Variants in B3GALT1 observed in about 807,000 individuals in gnomAD.
B3GALT1 encodes beta-1,3-galactosyltransferase 1, also known as UDP-Gal:betaGlcNAc beta 1,3-galactosyltransferase, polypeptide 1.
A neutral mutation model predicts 23.2 loss-of-function variants in B3GALT1; 10 were observed. The ratio of observed to expected loss-of-function variants is 0.43; its 90% CI spans 0.27 to 0.73. B3GALT1 has a LOEUF of 0.73. B3GALT1 is among the 30% of genes least tolerant of loss of function. The probability of loss-of-function intolerance (pLI) is 0.21; values close to 1 mark genes in which losing one functional copy is unlikely to be tolerated. For synonymous variants in B3GALT1, 156 were observed against 141.5 expected, an observed-to-expected ratio of 1.10 and a Z score of -0.73; for missense variants, 299 against 405.4, an observed-to-expected ratio of 0.74 and a Z score of 2.25.
chr2:167,510,335 AT>A (rs1021925309), intron 2 of B3GALT1, among the ~76,000 whole-genome samples: 9 of 149,450 alleles, frequency 6.0e-5, no homozygotes, highest in African/African-American at 9.9e-5. Flanking sequence ...TTCTTGTTAT[AT>A]TTTTTTAATT....
intron 2 of B3GALT1, among the ~76,000 whole-genome samples, chr2:167,572,686 T>C (rs955286561): frequency 1.3e-5 from 2 of 151,748 alleles, no homozygotes; most frequent in African/African-American, 4.8e-5. Context: ...TTGTCTGGAA[T>C]TGGATCTTTT....
At chr2:167,411,740 A>G (rs145387566) in intron 1 of B3GALT1, among the ~76,000 whole-genome samples, 141 of 152,368 alleles carry the variant, frequency 9.3e-4, no homozygotes, top group African/African-American at 3.2e-3. Context: ...GGAAATTAGT[A>G]TATCAAAGAA....
In B3GALT1 at chr2:167,550,005, T is replaced by C. The variant is rs1683717447; in HGVS notation, c.-410+59728T>C. Among the ~76,000 whole-genome samples, 3 of 152,318 alleles carry C rather than the reference T, an allele frequency of 2.0e-5. No individual in the cohort carries two copies. The South Asian group carries it at 6.2e-4, about 32-fold the overall frequency. On this transcript the variant is annotated intron_variant, in intron 2 of 4. Transcript: ENST00000392690. ...GGTTTTTAGTTTTCAGGTCTCAATT[T>C]CCAATTCTAGTTTTGATTATCTATA...
At chr2:167,750,087 A>G (rs1460022117) in intron 3 of B3GALT1, among the ~76,000 whole-genome samples, 2 of 152,224 alleles carry the variant, frequency 1.3e-5, no homozygotes, top group Non-Finnish European at 2.9e-5. Flanking sequence ...ACTTTGTGAC[A>G]TTAACTGTCA....
intron 3 of B3GALT1, among the ~76,000 whole-genome samples, chr2:167,801,604 G>A (rs1288843100): frequency 2.0e-5 from 3 of 152,150 alleles, no homozygotes; most frequent in Non-Finnish European, 4.4e-5. Flanking sequence ...GTTTTGTCAA[G>A]TAGCAAATAA....
chr2:167,686,606 A>G (rs1352075025), intron 3 of B3GALT1, among the ~76,000 whole-genome samples: 1 of 152,216 alleles, frequency 6.6e-6, no homozygotes, highest in Non-Finnish European at 1.5e-5. Flanking sequence ...ACAACATTTT[A>G]GTAAGTTTTA....
In B3GALT1 at chr2:167,660,624, T is replaced by A. The variant is rs574779608; in HGVS notation, c.-352+13658T>A. Among the ~76,000 whole-genome samples the A allele has an allele frequency of 3.3e-5, 5 of 152,232 alleles. 1 individual carries two copies. The highest frequency in any genetic ancestry group is 1.2e-4 in the African/African-American group (5 of 41,548). On this transcript the variant is annotated intron_variant, in intron 3 of 4. Transcript: ENST00000392690. ...GAGGAATCTTTCAAAATACAAATCA[T>A]AAGGGTCTGGAACCTCCTTTCAATA...
At chr2:167,699,198 GT>G (rs142116065) in intron 3 of B3GALT1, among the ~76,000 whole-genome samples, 86 of 152,010 alleles carry the variant, frequency 5.7e-4, no homozygotes, top group African/African-American at 2.0e-3. Flanking sequence ...GTAATAAGTG[GT>G]TTTTTAATGG....
intron 3 of B3GALT1, among the ~76,000 whole-genome samples, chr2:167,808,209 A>C: frequency 6.7e-6 from 1 of 149,716 alleles, no homozygotes. Flanking sequence ...TGCACGTGAG[A>C]TGGGTTTCCT....
intron 2 of B3GALT1, among the ~76,000 whole-genome samples, chr2:167,549,454 G>A (rs1683706680): frequency 6.6e-6 from 1 of 152,142 alleles, no homozygotes; most frequent in Non-Finnish European, 1.5e-5. Context: ...CTTCAGACGA[G>A]TTCCTGACAA....
At chr2:167,617,643 T>G (rs755702412) in intron 2 of B3GALT1, among the ~76,000 whole-genome samples, 1 of 152,112 alleles carries the variant, frequency 6.6e-6, no homozygotes, top group African/African-American at 2.4e-5. Context: ...ACATTTCTAG[T>G]TAACTACATT....
chr2:167,715,555 T>C, intron 3 of B3GALT1: 3 of 1,613,888 alleles, frequency 1.9e-6, no homozygotes, highest in Non-Finnish European at 2.5e-6. Flanking sequence ...GTATCCTTTT[T>C]GAAATATCTG....
intron 2 of B3GALT1, among the ~76,000 whole-genome samples, chr2:167,586,068 G>A (rs910421584): frequency 2.0e-5 from 3 of 152,140 alleles, no homozygotes; most frequent in Non-Finnish European, 4.4e-5. Context: ...GCTGGTAGGT[G>A]TATTCACTTA....
In B3GALT1 at chr2:167,474,692, G is replaced by A. The variant is rs111952679; in HGVS notation, c.-510-15485G>A. Among the ~76,000 whole-genome samples, 551 of 152,210 alleles carry A rather than the reference G, an allele frequency of 3.6e-3. 6 individuals carry two copies. Among genetic ancestry groups the A allele is most frequent in the African/African-American group, 0.013 (528 of 41,532 alleles). ...TTATCTCTGACACCAAAGGTGCATC[G>A]CAAGGTGAAATAGTTGTCAACAGTA... On this transcript the variant is annotated intron_variant, in intron 1 of 4. Coordinates refer to ENST00000392690, the MANE Select transcript of B3GALT1 (RefSeq NM_020981.4).
At chr2:167,851,662 C>T (rs1689895642) in intron 4 of B3GALT1, among the ~76,000 whole-genome samples, 1 of 152,222 alleles carries the variant, frequency 6.6e-6, no homozygotes. Context: ...ATTAGAAAAA[C>T]TTCTTTCAGA....
intron 1 of B3GALT1, among the ~76,000 whole-genome samples, chr2:167,458,383 T>C (rs1269899713): frequency 1.3e-5 from 2 of 152,244 alleles, no homozygotes; most frequent in Non-Finnish European, 2.9e-5. Context: ...GTTGCTTCTA[T>C]GTTTTAGCTA....
chr2:167,294,555 C>G (rs1293110476), intron 1 of B3GALT1, among the ~76,000 whole-genome samples: 3 of 152,168 alleles, frequency 2.0e-5, no homozygotes, highest in Non-Finnish European at 2.9e-5. Flanking sequence ...CAAACTTACT[C>G]TTGGCGATTG....
At chr2:167,677,420 G>A (rs571933287) in intron 3 of B3GALT1, among the ~76,000 whole-genome samples, 40 of 152,322 alleles carry the variant, frequency 2.6e-4, no homozygotes, top group East Asian at 3.9e-4. Context: ...TTTTGCTCTG[G>A]CTAGAACTGG....
chr2:167,799,426 T>C (rs531110991), intron 3 of B3GALT1, among the ~76,000 whole-genome samples: 1 of 152,204 alleles, frequency 6.6e-6, no homozygotes, highest in Admixed American at 6.5e-5. Flanking sequence ...CTCTTATACG[T>C]GAGAACATTG....
Sources: allele counts gnomAD v4.1 joint callset (sites outside exome capture counted in the v4.1 genomes callset), GRCh38; gene constraint gnomAD v4.1.1; transcripts MANE v1.5; gene names NCBI Gene and HGNC (gene_info 2026-07-23, HGNC 2026-07-21).